PTPRD: variants seen among roughly 807,000 people sequenced by gnomAD.
The protein encoded by PTPRD is receptor-type tyrosine-protein phosphatase delta.
PTPRD carries 34 observed loss-of-function variants against 214.5 expected under a neutral mutation model. The observed-to-expected ratio is 0.16, with a 90% CI of 0.12 to 0.21. The LOEUF (loss-of-function observed/expected upper bound fraction) is 0.21. Ranked by LOEUF, PTPRD falls within the 10% of genes least tolerant of loss-of-function variation. PTPRD has a pLI of 1.00. For missense variants in PTPRD, 2,545 were observed against 2,398.7 expected, an observed-to-expected ratio of 1.06 and a Z score of -1.27; for synonymous variants, 1,128 against 845.7, an observed-to-expected ratio of 1.33 and a Z score of -5.79.
intron 8 of PTPRD, among the ~76,000 whole-genome samples, chr9:9,440,439 GAA>G (rs1245952618): frequency 1.3e-5 from 2 of 152,014 alleles, no homozygotes; most frequent in Non-Finnish European, 2.9e-5. Context: ...TGCATGGTGG[GAA>G]AAAAGAGACA....
chr9:8,833,403 T>C (rs966722660), intron 11 of PTPRD, among the ~76,000 whole-genome samples: 6 of 152,108 alleles, frequency 3.9e-5, no homozygotes, highest in African/African-American at 9.7e-5. Context: ...AGTAGAGATA[T>C]GTATTTTAAA....
chr9:9,561,091 T>C (rs966817209), intron 8 of PTPRD, among the ~76,000 whole-genome samples: 4 of 152,112 alleles, frequency 2.6e-5, no homozygotes, highest in Admixed American at 2.0e-4. Flanking sequence ...CAGTTATACG[T>C]TTCACAGACA....
chr9:8,426,509 C>A (rs1209992335), intron 35 of PTPRD, among the ~76,000 whole-genome samples: 2 of 152,162 alleles, frequency 1.3e-5, no homozygotes, highest in African/African-American at 2.4e-5. Flanking sequence ...GCTTTGGAAG[C>A]AGAGACAGAG....
At chr9:8,854,243 T>G (rs991206336) in intron 11 of PTPRD, among the ~76,000 whole-genome samples, 1 of 152,124 alleles carries the variant, frequency 6.6e-6, no homozygotes, top group Non-Finnish European at 1.5e-5. Context: ...GATCACAAGT[T>G]AGAGCACAAG....
At chr9:9,510,495 T>C (rs62533242) in intron 8 of PTPRD, among the ~76,000 whole-genome samples, 7,610 of 151,732 alleles carry the variant, frequency 0.05, 258 homozygotes, top group South Asian at 0.13. Flanking sequence ...CTTTAATACT[T>C]GAAACTATAC....
intron 2 of PTPRD, among the ~76,000 whole-genome samples, chr9:10,574,972 C>G (rs889018260): frequency 1.3e-5 from 2 of 151,468 alleles, no homozygotes; most frequent in East Asian, 3.9e-4. Context: ...CAGAAAAGTG[C>G]AATGTGGAGT....
intron 14 of PTPRD, among the ~76,000 whole-genome samples, chr9:8,555,535 G>T (rs991097401): frequency 6.6e-6 from 1 of 152,230 alleles, no homozygotes; most frequent in African/African-American, 2.4e-5. Context: ...GTAATTTGAT[G>T]TTAAACACTA....
chr9:9,349,606 A>G (rs1420101685), intron 9 of PTPRD, among the ~76,000 whole-genome samples: 1 of 137,406 alleles, frequency 7.3e-6, no homozygotes, highest in South Asian at 2.2e-4. Context: ...TTTTTTTTGT[A>G]TACTAAAGTT....
At chr9:8,618,705 T>C (rs967294979) in intron 14 of PTPRD, among the ~76,000 whole-genome samples, 1 of 151,980 alleles carries the variant, frequency 6.6e-6, no homozygotes, top group Non-Finnish European at 1.5e-5. Context: ...TACTTATTTA[T>C]TCTTGTTTTT....
At chr9:8,974,177 C>T (rs1420219249) in intron 11 of PTPRD, among the ~76,000 whole-genome samples, 6 of 151,950 alleles carry the variant, frequency 3.9e-5, no homozygotes, top group South Asian at 4.2e-4. Context: ...TTTTATAGTT[C>T]GAGGTCTTAC....
intron 5 of PTPRD, among the ~76,000 whole-genome samples, chr9:9,916,214 C>A (rs567129229): frequency 6.4e-4 from 97 of 151,886 alleles, no homozygotes; most frequent in African/African-American, 2.3e-3. Context: ...GCCAGTCTTA[C>A]AAGAAATGTT....
At chr9:8,963,747 G>C (rs1385118651) in intron 11 of PTPRD, among the ~76,000 whole-genome samples, 1 of 151,860 alleles carries the variant, frequency 6.6e-6, no homozygotes, top group Non-Finnish European at 1.5e-5. Context: ...AGCCTTCTGA[G>C]TAGCTGGGCT....
intron 5 of PTPRD, among the ~76,000 whole-genome samples, chr9:9,831,119 C>G (rs1378944642): frequency 6.6e-6 from 1 of 152,000 alleles, no homozygotes; most frequent in South Asian, 2.1e-4. Context: ...GGGTGTAGCA[C>G]TGATGTCGTC....
chr9:9,327,925 A>G (rs1165183156), intron 9 of PTPRD, among the ~76,000 whole-genome samples: 3 of 151,654 alleles, frequency 2.0e-5, no homozygotes, highest in Non-Finnish European at 4.4e-5. Flanking sequence ...AAAAAATCAC[A>G]AAAAAATTCA....
At chr9:8,388,302 C>T (rs1353407934) in intron 37 of PTPRD, among the ~76,000 whole-genome samples, 2 of 152,152 alleles carry the variant, frequency 1.3e-5, no homozygotes, top group African/African-American at 4.8e-5. Flanking sequence ...AATGGGGAAT[C>T]AGGCTTTCTT....
intron 5 of PTPRD, among the ~76,000 whole-genome samples, chr9:9,795,306 C>T (rs920804118): frequency 2.6e-5 from 4 of 152,084 alleles, no homozygotes; most frequent in African/African-American, 7.2e-5. Context: ...ACCTAACTAT[C>T]CCATTGTAGG....
intron 11 of PTPRD, among the ~76,000 whole-genome samples, chr9:8,878,065 A>T (rs2098409724): frequency 6.6e-6 from 1 of 152,196 alleles, no homozygotes; most frequent in South Asian, 2.1e-4. Context: ...TTTGAAGATA[A>T]AGTGCTTTAC....
chr9:8,690,507 C>A (rs113356767), intron 12 of PTPRD, among the ~76,000 whole-genome samples: 1,814 of 141,960 alleles, frequency 0.013, 30 homozygotes, highest in African/African-American at 0.047. Context: ...CCAGTCTGGG[C>A]GACAGAGCAA....
At chr9:10,379,899 T>C (rs907980362) in intron 2 of PTPRD, among the ~76,000 whole-genome samples, 4 of 152,028 alleles carry the variant, frequency 2.6e-5, no homozygotes, top group Non-Finnish European at 5.9e-5. Flanking sequence ...TTATTTCTAT[T>C]TATATACTCA....
Sources: allele counts gnomAD v4.1 joint callset (sites outside exome capture counted in the v4.1 genomes callset), GRCh38; gene constraint gnomAD v4.1.1; transcripts MANE v1.5; gene names NCBI Gene and HGNC (gene_info 2026-07-23, HGNC 2026-07-21).